The following SYN3 variants were observed in gnomAD, a reference collection of about 807,000 sequenced individuals.
SYN3 encodes the protein synapsin III.
In SYN3, 35 loss-of-function variants were observed where a neutral mutation model predicts 65.8. The ratio of observed to expected loss-of-function variants is 0.53; its 90% CI spans 0.41 to 0.70. The LOEUF (loss-of-function observed/expected upper bound fraction) is 0.70. Among genes scored for constraint, SYN3 ranks in the 30% least tolerant of loss-of-function variants. The pLI, the probability that SYN3 is intolerant of heterozygous loss-of-function variation, is 0.00. For synonymous variants in SYN3, 270 were observed against 292.9 expected (o/e 0.92, Z 0.80); for missense variants, 680 against 749.0 (o/e 0.91, Z 1.08).
rs180951662 is a variant in SYN3, at chr22:32,950,800, G to A, written c.370-19319C>T. Among the ~76,000 whole-genome samples, 6 of 152,246 alleles carry A rather than the reference G, an allele frequency of 3.9e-5. No individual in the cohort carries two copies. In the East Asian group the frequency reaches 5.8e-4, roughly 15 times the overall value. ...GGGTAGCGAACCTGGGGCAGCTAACGCTGGACTGTAATTTCAGTGGTGATT... is the reference window on the plus strand; with the variant it reads ...GGGTAGCGAACCTGGGGCAGCTAACACTGGACTGTAATTTCAGTGGTGATT... On this transcript the variant is annotated intron_variant, in intron 3 of 13. Coordinates refer to ENST00000358763, the MANE Select transcript of SYN3 (RefSeq NM_003490.4).
chr22:32,728,355 C>T (rs1013551978), intron 6 of SYN3, among the ~76,000 whole-genome samples: 3 of 152,238 alleles, frequency 2.0e-5, no homozygotes, highest in African/African-American at 7.2e-5. Context: ...CCTGTGCTTC[C>T]TGTGCTCCGG....
At chr22:32,644,165 T>G (rs964085422) in intron 6 of SYN3, among the ~76,000 whole-genome samples, 1 of 138,350 alleles carries the variant, frequency 7.2e-6, no homozygotes, top group Non-Finnish European at 1.5e-5. Context: ...GGAGACAGAG[T>G]GCAGTTTCAC....
intron 12 of SYN3, among the ~76,000 whole-genome samples, chr22:32,526,980 T>G (rs1601564714): frequency 6.6e-6 from 1 of 152,176 alleles, no homozygotes; most frequent in Non-Finnish European, 1.5e-5. Flanking sequence ...CTCTCAAGAC[T>G]GCATGCAAGA....
chr22:32,594,534 C>A (rs60053609), intron 7 of SYN3, among the ~76,000 whole-genome samples: 3 of 151,248 alleles, frequency 2.0e-5, no homozygotes, highest in South Asian at 4.2e-4. Context: ...GTTGCCCAGG[C>A]TGGAGTGCAA....
chr22:32,670,132 T>A (rs914645498), intron 6 of SYN3, among the ~76,000 whole-genome samples: 16 of 152,224 alleles, frequency 1.1e-4, no homozygotes, highest in Non-Finnish European at 1.8e-4. Context: ...TTAATATACA[T>A]CATCACGGCT....
In SYN3 at chr22:32,822,172, A is replaced by AG. The variant is rs1018088739; in HGVS notation, c.711+42742_711+42743insC. On this transcript the variant is annotated intron_variant, in intron 6 of 13. Transcript: ENST00000358763. ...CTCCATCTCAAAAAAAAAAAAAAAA[A>AG]AAGAAGTTGGAGCTCTGTCTGTCTG... Among the ~76,000 whole-genome samples the AG allele has an allele frequency of 3.3e-4, 50 of 150,556 alleles. 1 individual carries two copies. The highest frequency in any genetic ancestry group is 7.9e-4 in the East Asian group (4 of 5,086).
intron 2 of SYN3, among the ~76,000 whole-genome samples, chr22:32,998,284 T>C (rs981259189): frequency 6.6e-6 from 1 of 152,204 alleles, no homozygotes; most frequent in African/African-American, 2.4e-5. Context: ...TGCTTACCAA[T>C]GGGTGTCATT....
intron 1 of SYN3, among the ~76,000 whole-genome samples, chr22:33,033,736 T>C (rs947529343): frequency 2.0e-5 from 3 of 152,142 alleles, no homozygotes; most frequent in Non-Finnish European, 4.4e-5. Context: ...CACTGCGCAC[T>C]GTGGCACTCC....
chr22:32,606,549 C>T (rs536275008), intron 6 of SYN3, among the ~76,000 whole-genome samples: 5 of 152,228 alleles, frequency 3.3e-5, no homozygotes, highest in South Asian at 4.1e-4. Context: ...AATGTGGAAA[C>T]GCAAATATGT....
rs138722025 is a variant in SYN3, at chr22:32,720,447, C to A, written c.712-123711G>T. Reference sequence around the variant, plus strand: ...TGCTCAGAAATGCCCAAGTGACTTGCCCATGTGAGAAGTATCAAAATTTTA... The same window carrying A: ...TGCTCAGAAATGCCCAAGTGACTTGACCATGTGAGAAGTATCAAAATTTTA... On this transcript the variant is annotated intron_variant, in intron 6 of 13. Coordinates refer to ENST00000358763, the MANE Select transcript of SYN3 (RefSeq NM_003490.4). Among the ~76,000 whole-genome samples, 1,047 of 152,314 alleles carry A rather than the reference C, an allele frequency of 6.9e-3. 15 individuals are homozygous for A. The highest frequency in any genetic ancestry group is 0.024 in the African/African-American group (1,000 of 41,576).
At chr22:32,523,762 A>C (rs958490690) in intron 12 of SYN3, among the ~76,000 whole-genome samples, 2 of 152,232 alleles carry the variant, frequency 1.3e-5, no homozygotes, top group African/African-American at 4.8e-5. Context: ...GATTAAGCTT[A>C]GTGAGGAGGG....
intron 3 of SYN3, among the ~76,000 whole-genome samples, chr22:32,944,224 G>C (rs542581355): frequency 6.6e-6 from 1 of 152,102 alleles, no homozygotes; most frequent in East Asian, 1.9e-4. Flanking sequence ...AAATGTAAAA[G>C]AACAGAAATT....
chr22:32,901,186 C>T (rs1032539308), intron 4 of SYN3, among the ~76,000 whole-genome samples: 1 of 152,198 alleles, frequency 6.6e-6, no homozygotes, highest in Non-Finnish European at 1.5e-5. Context: ...TTGACTAATA[C>T]ACAGTTGCGT....
intron 4 of SYN3, among the ~76,000 whole-genome samples, chr22:32,877,892 A>G (rs1255871591): frequency 6.6e-6 from 1 of 152,206 alleles, no homozygotes; most frequent in Non-Finnish European, 1.5e-5. Context: ...CCTCATAGGC[A>G]ATAATGAAAG....
At chr22:32,536,546 G>A (rs2058169208) in intron 9 of SYN3, among the ~76,000 whole-genome samples, 1 of 152,246 alleles carries the variant, frequency 6.6e-6, no homozygotes, top group Non-Finnish European at 1.5e-5. Flanking sequence ...CAGGGGTGCA[G>A]ACCTGACATA....
Position 32,513,465 on chromosome 22 carries a change from C to A in SYN3, c.*227G>T. The A allele has an allele frequency of 2.0e-6, 1 of 506,966 alleles. No homozygotes were observed. 31.4% of individuals were successfully genotyped at this position (506,966 alleles called of 1,614,324 possible). A position where few individuals can be genotyped will look rare whatever the true frequency, so the allele number is the denominator to read the frequency against. ...CATCGCTCAGGCCTGTTTTGAGGAA[C>A]CTGGAGGCTCTCAAAGGCCCACCTC... On this transcript the variant is annotated 3_prime_UTR_variant, in exon 14 of 14. Coordinates refer to ENST00000358763, the MANE Select transcript of SYN3 (RefSeq NM_003490.4).
At chr22:32,797,258 T>C (rs2145906713) in intron 6 of SYN3, among the ~76,000 whole-genome samples, 1 of 152,284 alleles carries the variant, frequency 6.6e-6, no homozygotes, top group South Asian at 2.1e-4. Flanking sequence ...TCGGTGGTGC[T>C]GATCATTGGA....
chr22:32,667,707 T>A (rs1423000752), intron 6 of SYN3, among the ~76,000 whole-genome samples: 1 of 152,164 alleles, frequency 6.6e-6, no homozygotes, highest in Non-Finnish European at 1.5e-5. Context: ...TGCATTTCGC[T>A]TAGGTTTTTG....
At chr22:33,035,743 T>A (rs55828224) in intron 1 of SYN3, among the ~76,000 whole-genome samples, 1 of 152,098 alleles carries the variant, frequency 6.6e-6, no homozygotes, top group Non-Finnish European at 1.5e-5. Flanking sequence ...AAGGCCCAGA[T>A]AATTTTTCAT....
Sources: allele counts gnomAD v4.1 joint callset (sites outside exome capture counted in the v4.1 genomes callset), GRCh38; gene constraint gnomAD v4.1.1; transcripts MANE v1.5; gene names NCBI Gene and HGNC (gene_info 2026-07-23, HGNC 2026-07-21).